The following MACF1 variants were observed in gnomAD, a reference collection of about 807,000 sequenced individuals.
The protein encoded by MACF1 is microtubule-actin cross-linking factor 1.
A neutral mutation model predicts 854.8 loss-of-function variants in MACF1; 193 were observed. The observed-to-expected ratio is 0.23, with a 90% CI of 0.20 to 0.25. The LOEUF is 0.25. Among genes scored for constraint, MACF1 ranks in the 10% least tolerant of loss-of-function variants. The pLI, the probability that MACF1 is intolerant of heterozygous loss-of-function variation, is 1.00. For synonymous variants in MACF1, 3,185 were observed against 3,226.7 expected (o/e 0.99, Z 0.44); for missense variants, 7,722 against 8,929.1 (o/e 0.86, Z 5.45).
intron 43 of MACF1, 92 bp downstream of exon 43, chr1:39,351,110 A>C (rs891924960): frequency 4.4e-5 from 39 of 877,716 alleles, no homozygotes; most frequent in Non-Finnish European, 6.6e-5. Context: ...ACAGGCTTAT[A>C]GCATGCACAG....
Position 39,485,639 on chromosome 1 carries a change from T to G in MACF1, c.22513T>G (p.Leu7505Val). ...AAGTGACGCTTCTGACTTTGACCTC[T>G]TAGAGACGCAGTCTGCTTGTTCCGA... Reference protein sequence around the residue: ...RGSDASDFDLLETQSACSDTS... With the variant: ...RGSDASDFDLVETQSACSDTS... Residue 7505 changes from leucine (L) to valine (V), a missense_variant, in exon 101 of 101, where the codon TTA (leucine) becomes GTA (valine). This residue lies in a region of MACF1 where 185 missense variants were observed against 225.7 expected (regional missense o/e 0.82). Coordinates refer to ENST00000564288, the MANE Select transcript of MACF1 (RefSeq NM_001394062.1). 6.2e-7 allele frequency: 1 copy of G among 1,614,126 alleles called. No individual in the cohort carries two copies. The highest frequency in any genetic ancestry group is 8.5e-7 in the Non-Finnish European group (1 of 1,180,022).
At chr1:39,410,849 A>G (rs1194364404) in intron 58 of MACF1, 1 of 1,614,054 alleles carries the variant, frequency 6.2e-7, no homozygotes, top group Non-Finnish European at 8.5e-7. Context: ...GTAACTCTGG[A>G]ACATGTGTCC....
At chr1:39,213,401 G>A (rs1389056547) in intron 1 of MACF1, among the ~76,000 whole-genome samples, 5 of 151,996 alleles carry the variant, frequency 3.3e-5, no homozygotes, top group African/African-American at 4.8e-5. Flanking sequence ...GCACAATCTC[G>A]GCTCACTGCA....
chr1:39,167,922 A>G (rs190189670), intron 2 of MACF1, among the ~76,000 whole-genome samples: 1 of 151,708 alleles, frequency 6.6e-6, no homozygotes, highest in Admixed American at 6.6e-5. Flanking sequence ...AAAATATTTT[A>G]TGTTGAATGT....
At chr1:39,459,327 A>C in intron 91 of MACF1, 78 bp downstream of exon 91, 1 of 1,414,286 alleles carries the variant, frequency 7.1e-7, no homozygotes, top group Non-Finnish European at 9.6e-7. Context: ...AGGCTCTCTT[A>C]ATGTGAACCT....
At chr1:39,385,398 T>C (rs746944325) in intron 56 of MACF1, 36 bp from the exon 57 acceptor site, 1 of 1,601,746 alleles carries the variant, frequency 6.2e-7, no homozygotes, top group Admixed American at 1.7e-5. Flanking sequence ...TCTGTTTTTT[T>C]CCTGTCTAAA....
Position 39,358,682 on chromosome 1 carries a change from C to A in MACF1, c.11944-15C>A, listed in dbSNP as rs1647810087. 3 of 1,611,822 alleles carry A rather than the reference C, an allele frequency of 1.9e-6. No individual in the cohort carries two copies. The African/African-American group carries it at 4.0e-5, about 22-fold the overall frequency. On this transcript the variant is annotated splice_polypyrimidine_tract_variant and intron_variant, in intron 45 of 100. Coordinates refer to ENST00000564288, the MANE Select transcript of MACF1 (RefSeq NM_001394062.1). ...ACCTTGCTTAAGTCTGCTTACCTTT[C>A]TTTCTCTGGCACAGTGTACACGATT...
chr1:39,461,975 G>A lies in MACF1; in HGVS notation c.21616G>A (p.Ala7206Thr). ...CATTGATTATTATGAATTTGTGGCTGCTCTTCATCCCAACAAGGATGCGTA... is the reference window on the plus strand; with the variant it reads ...CATTGATTATTATGAATTTGTGGCTACTCTTCATCCCAACAAGGATGCGTA... ...GYIDYYEFVAALHPNKDAYRP... is the reference protein window; with the variant it reads ...GYIDYYEFVATLHPNKDAYRP... The change falls in exon 93 of 101, where the codon GCT becomes ACT. Residue 7206 changes from alanine to threonine, a missense_variant. Physicochemically the swap from Ala to Thr is moderately conservative, Grantham distance 58. This residue lies in a region of MACF1 where 153 missense variants were observed against 342.5 expected (regional missense o/e 0.45). Transcript: ENST00000564288. 6.2e-7 allele frequency: 1 copy of A among 1,614,000 alleles called. No homozygotes were observed. Among genetic ancestry groups the A allele is most frequent in the East Asian group, 2.2e-5 (1 of 44,872 alleles).
At chr1:39,133,198 C>T (rs1643054470) in intron 2 of MACF1, among the ~76,000 whole-genome samples, 1 of 152,214 alleles carries the variant, frequency 6.6e-6, no homozygotes, top group Non-Finnish European at 1.5e-5. Flanking sequence ...GACTTGGCTG[C>T]TTCCACCCTG....
chr1:39,174,750 G>C lies in MACF1; in HGVS notation c.221-56432G>C, dbSNP rs539577714. Among the ~76,000 whole-genome samples, 4 of 152,268 alleles carry C rather than the reference G, an allele frequency of 2.6e-5. No individual in the cohort carries two copies. In the South Asian group the frequency reaches 8.3e-4, roughly 32 times the overall value. On this transcript the variant is annotated intron_variant, in intron 2 of 93. Coordinates refer to the MACF1 transcript ENST00000361689. ...TGTGCCCCAGGAAAGCTTGAACCAAGGTATAGAGAAAGGGCCCCTGATCCT... is the reference window on the plus strand; with the variant it reads ...TGTGCCCCAGGAAAGCTTGAACCAACGTATAGAGAAAGGGCCCCTGATCCT...
chr1:39,329,561 A>G (rs1249623084), intron 36 of MACF1, among the ~76,000 whole-genome samples: 2 of 152,340 alleles, frequency 1.3e-5, no homozygotes, highest in East Asian at 3.9e-4. Context: ...TTGCTTCCAC[A>G]AGATCCTCTA....
chr1:39,368,201 C>T lies in MACF1; in HGVS notation c.12825C>T (p.His4275=), dbSNP rs142878941. 1.4e-5 allele frequency: 22 copies of T among 1,614,084 alleles called. No homozygotes were observed. The African/African-American group carries it at 2.3e-4, about 17-fold the overall frequency. ...DQQENLDTLE[H]LVTELSSCGF... is the part of the protein sequence containing the mutation. Reference sequence around the variant, plus strand: ...AGGAGAACCTAGATACTCTTGAGCACCTGGTCACTGAACTGAGCTCTTGTG... The same window carrying T: ...AGGAGAACCTAGATACTCTTGAGCATCTGGTCACTGAACTGAGCTCTTGTG... The change falls in exon 50 of 101, where the codon CAC becomes CAT. Residue 4275 remains histidine, a synonymous_variant. Coordinates refer to ENST00000564288, the MANE Select transcript of MACF1 (RefSeq NM_001394062.1).
rs1240365225 is a variant in MACF1 at position 39,434,583 on chromosome 1, C to G, written c.17735C>G (p.Ser5912Cys). Residue 5912 changes from serine (S) to cysteine (C), a missense_variant, in exon 69 of 101, where the codon TCT becomes TGT. Around this residue, in one of 15 missense-constraint regions of MACF1, gnomAD observed 2,807 missense variants for 3,235.8 expected, o/e 0.87. Coordinates refer to ENST00000564288, the MANE Select transcript of MACF1 (RefSeq NM_001394062.1). ...CGGGCACTAATAGCACAGTTACCCT[C>G]TCCAGCCATTGATCATGAGCAGCTC... ...ETRALIAQLPSPAIDHEQLRQ... is the reference protein window; with the variant it reads ...ETRALIAQLPCPAIDHEQLRQ... The G allele has an allele frequency of 6.2e-7, 1 of 1,614,134 alleles. No homozygotes were observed. The highest frequency in any genetic ancestry group is 1.3e-5 in the African/African-American group (1 of 75,030).
In MACF1 at chr1:39,283,344, A is replaced by G. The variant is rs1290855402; in HGVS notation, c.808+43A>G. 1.9e-6 allele frequency: 3 copies of G among 1,574,814 alleles called. No individual in the cohort carries two copies. The highest frequency in any genetic ancestry group is 2.2e-5 in the South Asian group (2 of 90,260). ...GAACTTGAGTAAGGAACACGTATTC[A>G]GTATTCCTTCTTCTGGCAAGTTCCT... On this transcript the variant is annotated intron_variant, in intron 8 of 100. Coordinates refer to ENST00000564288, the MANE Select transcript of MACF1 (RefSeq NM_001394062.1). This position sits in a 1 kb window ranked among gnomAD's most constrained non-coding sequence, Gnocchi z 4.5.
At chr1:39,178,522 A>G (rs951239096) in intron 2 of MACF1, among the ~76,000 whole-genome samples, 3 of 152,188 alleles carry the variant, frequency 2.0e-5, no homozygotes, top group Non-Finnish European at 4.4e-5. Context: ...TGGGGCACAT[A>G]GTTGCTGGAT....
chr1:39,099,925 T>A (rs1277112694), intron 2 of MACF1, among the ~76,000 whole-genome samples: 1 of 152,132 alleles, frequency 6.6e-6, no homozygotes, highest in African/African-American at 2.4e-5. Context: ...ATAAAAAATT[T>A]TTTTAAAAAG....
At chr1:39,417,152 T>A (rs187601155) in intron 58 of MACF1, among the ~76,000 whole-genome samples, 3 of 152,210 alleles carry the variant, frequency 2.0e-5, no homozygotes, top group Non-Finnish European at 4.4e-5. Flanking sequence ...AGTGCAGACA[T>A]GGATACATGG....
At chr1:39,148,469 C>T (rs964723524) in intron 2 of MACF1, among the ~76,000 whole-genome samples, 13 of 151,964 alleles carry the variant, frequency 8.6e-5, no homozygotes, top group African/African-American at 3.1e-4. Flanking sequence ...ACCAAAAATC[C>T]TACCATTTAT....
At chr1:39,230,736 C>T (rs1220537103) in intron 1 of MACF1, among the ~76,000 whole-genome samples, 1 of 151,962 alleles carries the variant, frequency 6.6e-6, no homozygotes, top group Non-Finnish European at 1.5e-5. Context: ...GAAGGAATTC[C>T]TGGGGTAGGA....
Sources: gnomAD v4.1 joint callset for allele counts (sites outside exome capture counted in the v4.1 genomes callset) on GRCh38, gnomAD v4.1.1 for gene constraint, gnomAD v4.1.1 regional missense constraint, Gnocchi (gnomAD v3.1) non-coding constraint, MANE v1.5 for transcripts, NCBI Gene and HGNC (gene_info 2026-07-23, HGNC 2026-07-21) for gene names.